PLA2G6: variants seen among roughly 807,000 people sequenced by gnomAD.
The protein encoded by PLA2G6 is phospholipase A2 group VI.
PLA2G6 carries 62 observed loss-of-function variants against 83.8 expected under a neutral mutation model. The observed-to-expected ratio is 0.74, with a 90% CI of 0.60 to 0.91. PLA2G6 has a LOEUF of 0.91. PLA2G6 is among the 40% of genes least tolerant of loss of function. PLA2G6 has a pLI of 0.00. For synonymous variants in PLA2G6, 417 were observed against 449.8 expected, an observed-to-expected ratio of 0.93 and a Z score of 0.92; for missense variants, 944 against 1,102.0, an observed-to-expected ratio of 0.86 and a Z score of 2.03.
chr22:38,120,502 G>A (rs1041671255), intron 12 of PLA2G6, among the ~76,000 whole-genome samples: 6 of 151,510 alleles, frequency 4.0e-5, no homozygotes, highest in Admixed American at 3.9e-4. Context: ...CGGCAGGGCA[G>A]AGCCGGGCAG....
At chr22:38,143,058 C>T (rs2089013920) in intron 4 of PLA2G6, 47 bp downstream of exon 4, 1 of 1,571,914 alleles carries the variant, frequency 6.4e-7, no homozygotes, top group African/African-American at 1.4e-5. Flanking sequence ...GAACCGTGGA[C>T]ACCGGGAGGT....
intron 10 of PLA2G6, chr22:38,125,521 T>A: frequency 2.9e-6 from 1 of 348,648 alleles, no homozygotes; most frequent in South Asian, 2.2e-5. Flanking sequence ...AAGAGAGCTT[T>A]CCCTGCAGAG....
chr22:38,115,517 C>T lies in PLA2G6; in HGVS notation c.2034+10G>A, dbSNP rs374942810. 13 of 1,611,308 alleles carry T rather than the reference C, an allele frequency of 8.1e-6. No homozygotes were observed. The Middle Eastern group carries it at 5.0e-4, about 61-fold the overall frequency. On this transcript the variant is annotated intron_variant, in intron 14 of 16. Coordinates refer to ENST00000332509, the MANE Select transcript of PLA2G6 (RefSeq NM_003560.4). Reference sequence around the variant, plus strand: ...CAGTGGGTCCAGGCCCTCTGGCCTACGGCACTCACCTTGCGGATCAGGTCC... The same window carrying T: ...CAGTGGGTCCAGGCCCTCTGGCCTATGGCACTCACCTTGCGGATCAGGTCC...
rs2072867 is a variant in PLA2G6 at position 38,123,328 on chromosome 22, A to G, written c.1428-70T>C. ...CCCAGTACTTTACATCCACCCTCAT[A>G]GCCCTTGTCCCCTGCAGCTGTGTCC... On this transcript the variant is annotated intron_variant, in intron 10 of 16. Coordinates refer to ENST00000332509, the MANE Select transcript of PLA2G6 (RefSeq NM_003560.4). This position sits in a 1 kb window ranked among gnomAD's most constrained non-coding sequence, Gnocchi z 4.1. 127,936 of 1,472,916 alleles carry G rather than the reference A, an allele frequency of 0.087. 6,279 individuals are homozygous for G. The highest frequency in any genetic ancestry group is 0.22 in the East Asian group (9,009 of 40,526). The allele number at this position is 1,472,916 out of a possible 1,614,324, so 91.2% of individuals were successfully genotyped here. A position where few individuals can be genotyped will look rare whatever the true frequency, so the allele number is the denominator to read the frequency against.
rs532046341 is a variant in PLA2G6 at position 38,119,524 on chromosome 22, T to C, written c.1742+1235A>G. On this transcript the variant is annotated intron_variant, in intron 12 of 16. Coordinates refer to ENST00000332509, the MANE Select transcript of PLA2G6 (RefSeq NM_003560.4). ...GTGCTGCTTGGGGGCAGCAAAGGGG[T>C]TTATGAACGAGAAATAAAAAGCACA... is the stretch of plus-strand genomic sequence containing the variant. 2.6e-5 allele frequency among the ~76,000 whole-genome samples: 4 copies of C among 151,752 alleles called. No individual in the cohort carries two copies. In the East Asian group the frequency reaches 7.7e-4, roughly 29 times the overall value.
intron 2 of PLA2G6, among the ~76,000 whole-genome samples, chr22:38,156,980 G>A (rs1055744177): frequency 1.3e-5 from 2 of 152,090 alleles, no homozygotes; most frequent in South Asian, 2.1e-4. Context: ...AGGGAAAGAA[G>A]TACTAAGAGG....
intron 2 of PLA2G6, among the ~76,000 whole-genome samples, chr22:38,157,487 C>T (rs1435687944): frequency 6.6e-6 from 1 of 152,114 alleles, no homozygotes; most frequent in Admixed American, 6.6e-5. Flanking sequence ...CAAAGAAAAG[C>T]CTGGGACCCA....
chr22:38,115,702 C>T (rs757592075), intron 13 of PLA2G6, 21 bp from the exon 14 acceptor site: 7 of 1,585,166 alleles, frequency 4.4e-6, no homozygotes, highest in East Asian at 4.6e-5. Context: ...GGAAGGAGGG[C>T]GGCCCAGTGG....
At chr22:38,157,174 A>G (rs2089817893) in intron 2 of PLA2G6, among the ~76,000 whole-genome samples, 1 of 152,182 alleles carries the variant, frequency 6.6e-6, no homozygotes, top group Non-Finnish European at 1.5e-5. Context: ...TCAACAAAAT[A>G]AAGTTTTTTG....
chr22:38,117,484 T>C (rs994050405), intron 12 of PLA2G6, among the ~76,000 whole-genome samples: 43 of 152,162 alleles, frequency 2.8e-4, no homozygotes, highest in Admixed American at 1.2e-3. Context: ...CGTGAGCCAC[T>C]GCGCCTGGCC....
At chr22:38,116,851 C>CAAAAAAAAAAAAAAAAAAAAAAAAA (rs57712042) in intron 12 of PLA2G6, among the ~76,000 whole-genome samples, 3 of 37,658 alleles carry the variant, frequency 8.0e-5, no homozygotes, top group Non-Finnish European at 1.0e-4. Flanking sequence ...AACTCCGTCT[C>CAAAAAAAAAAAAAAAAAAAAAAAAA]AAAAAAAAAA....
chr22:38,161,957 C>A (rs1323034725), intron 2 of PLA2G6, among the ~76,000 whole-genome samples: 2 of 152,108 alleles, frequency 1.3e-5, no homozygotes, highest in Non-Finnish European at 2.9e-5. Context: ...GTAATCCCAG[C>A]ACTTTGGGAG....
intron 2 of PLA2G6, among the ~76,000 whole-genome samples, chr22:38,156,464 T>A (rs1010718960): frequency 5.9e-5 from 9 of 151,774 alleles, no homozygotes; most frequent in Non-Finnish European, 5.9e-5. Flanking sequence ...TGTTATTATT[T>A]TTTTTTTGAG....
At chr22:38,145,925 G>A (rs1473539650) in intron 2 of PLA2G6, 4 of 462,118 alleles carry the variant, frequency 8.7e-6, no homozygotes, top group South Asian at 6.1e-5. Context: ...CCAGGCTGGG[G>A]TGCGGTGGTG....
intron 12 of PLA2G6, among the ~76,000 whole-genome samples, chr22:38,119,834 G>C (rs188953470): frequency 2.6e-5 from 4 of 151,598 alleles, no homozygotes; most frequent in Admixed American, 1.3e-4. Context: ...AGAAAGAAAG[G>C]AAAAAATCAC....
In PLA2G6 at chr22:38,112,544, C is replaced by T. The variant is rs563222818; in HGVS notation, c.2236G>A (p.Ala746Thr). 1.3e-6 allele frequency: 2 copies of T among 1,554,092 alleles called. No individual in the cohort carries two copies. The highest frequency in any genetic ancestry group is 1.7e-6 in the Non-Finnish European group (2 of 1,150,028). Residue 746 changes from alanine (A) to threonine (T), a missense_variant, in exon 16 of 17, where the codon GCA (alanine) becomes ACA (threonine). Transcript: ENST00000332509. Reference sequence around the variant, plus strand: ...CCGACCATCTCGCACCAGGCCCGTGCCCGGTCCACAGCCCGCCCGTCTGGA... The same window carrying T: ...CCGACCATCTCGCACCAGGCCCGTGTCCGGTCCACAGCCCGCCCGTCTGGA... ...TDPDGRAVDR[A>T]RAWCEMVGIQ...
intron 1 of PLA2G6, among the ~76,000 whole-genome samples, chr22:38,181,420 G>A (rs2090842360): frequency 6.6e-6 from 1 of 152,162 alleles, no homozygotes; most frequent in Non-Finnish European, 1.5e-5. Flanking sequence ...GGCCTAAAGA[G>A]GCACTGAGGG....
chr22:38,162,448 G>A lies in PLA2G6; in HGVS notation c.209+6770C>T, dbSNP rs529399757. ...TGAACGGGATGGGGCTGGGAAAAGC[G>A]GCCAGGAGCAATTCCCTGTCAATGG... is the stretch of plus-strand genomic sequence containing the variant. On this transcript the variant is annotated intron_variant, in intron 2 of 16. Transcript: ENST00000332509. Among the ~76,000 whole-genome samples, 8 of 152,188 alleles carry A rather than the reference G, an allele frequency of 5.3e-5. No homozygotes were observed. In the South Asian group the frequency reaches 1.5e-3, roughly 28 times the overall value.
intron 2 of PLA2G6, among the ~76,000 whole-genome samples, chr22:38,159,804 C>T (rs1161746754): frequency 6.6e-6 from 1 of 151,206 alleles, no homozygotes; most frequent in East Asian, 1.9e-4. Flanking sequence ...AGAAGGAATG[C>T]TTCTCAAAGC....
Sources: allele counts gnomAD v4.1 joint callset (sites outside exome capture counted in the v4.1 genomes callset), GRCh38; gene constraint gnomAD v4.1.1; non-coding constraint Gnocchi (gnomAD v3.1); transcripts MANE v1.5; gene names NCBI Gene and HGNC (gene_info 2026-07-23, HGNC 2026-07-21).